Variants in POLA1 observed in about 807,000 individuals in gnomAD.
POLA1 encodes DNA polymerase alpha 1, catalytic subunit.
POLA1 carries 15 observed loss-of-function variants against 124.0 expected under a neutral mutation model. That is an observed-to-expected ratio of 0.12 (90% CI 0.08 to 0.19). POLA1 has a LOEUF of 0.19. POLA1 is among the 10% of genes least tolerant of loss of function. The pLI, the probability that POLA1 is intolerant of heterozygous loss-of-function variation, is 1.00. For synonymous variants in POLA1, 408 were observed against 389.4 expected, an observed-to-expected ratio of 1.05 and a Z score of -0.56; for missense variants, 886 against 1,103.4, an observed-to-expected ratio of 0.80 and a Z score of 2.79.
chrX:24,819,631 GT>G (rs978700833), intron 30 of POLA1, among the ~76,000 whole-genome samples: 2 of 109,307 alleles, frequency 1.8e-5, no homozygotes, highest in Non-Finnish European at 3.8e-5. Context: ...GTTGAGAGCT[GT>G]TTTTTTTTGT....
rs199539240 is a variant in POLA1, at chrX:24,815,121, G to A, written c.3429+10G>A. 55 of 1,194,785 alleles carry A rather than the reference G, an allele frequency of 4.6e-5. No individual in the cohort carries two copies. The highest frequency in any genetic ancestry group is 5.8e-5 in the Non-Finnish European group (51 of 886,242). On this transcript the variant is annotated intron_variant, in intron 30 of 36. Coordinates refer to ENST00000379068, the MANE Select transcript of POLA1 (RefSeq NM_001330360.2). ...GTTTGAAATTAACAAGGTAAATGTAGCATTTATTGCTGAGCCCAGCTGCTG... is the reference window on the plus strand; with the variant it reads ...GTTTGAAATTAACAAGGTAAATGTAACATTTATTGCTGAGCCCAGCTGCTG...
intron 36 of POLA1, among the ~76,000 whole-genome samples, chrX:24,963,673 C>T (rs2048191836): frequency 9.0e-6 from 1 of 111,134 alleles, no homozygotes; most frequent in South Asian, 3.8e-4. Context: ...CCAGTAAATG[C>T]CACTCATTTG....
chrX:24,748,204 A>G (rs1394961606), intron 24 of POLA1, 107 bp from the exon 25 acceptor site: 1 of 539,831 alleles, frequency 1.9e-6, no homozygotes, highest in Non-Finnish European at 3.0e-6. Context: ...GTATAAGATA[A>G]TAGCTTTTCA....
At chrX:24,932,640 C>T (rs929945394) in intron 36 of POLA1, among the ~76,000 whole-genome samples, 28 of 111,039 alleles carry the variant, frequency 2.5e-4, no homozygotes, top group Non-Finnish European at 4.2e-4. Flanking sequence ...ATTGAGTTAT[C>T]GATGGGTTCT....
intron 27 of POLA1, 82 bp downstream of exon 27, chrX:24,810,012 A>G (rs1414112846): frequency 1.7e-6 from 1 of 574,498 alleles, no homozygotes; most frequent in Non-Finnish European, 2.8e-6. Flanking sequence ...TTGTAACCCA[A>G]ACAGACTGGA....
chrX:24,929,632 TAGA>T (rs1267733663), intron 35 of POLA1, among the ~76,000 whole-genome samples: 3 of 112,113 alleles, frequency 2.7e-5, no homozygotes, highest in Non-Finnish European at 5.6e-5. Flanking sequence ...TTAAAATAGA[TAGA>T]AGTGCATTTG....
intron 28 of POLA1, among the ~76,000 whole-genome samples, chrX:24,811,658 T>TC (rs2045903350): frequency 2.0e-5 from 2 of 102,309 alleles, no homozygotes; most frequent in South Asian, 8.7e-4. Context: ...TTTTTTTTTT[T>TC]CTTTAAATGG....
chrX:24,748,242 TA>T, intron 24 of POLA1, 68 bp from the exon 25 acceptor site: 2 of 798,647 alleles, frequency 2.5e-6, no homozygotes, highest in East Asian at 3.3e-5. Context: ...AAAGCTCCTA[TA>T]AAATATTACT....
chrX:24,937,556 C>T (rs1398374937), intron 36 of POLA1, among the ~76,000 whole-genome samples: 1 of 111,828 alleles, frequency 8.9e-6, no homozygotes, highest in East Asian at 2.8e-4. Context: ...GAAAAAATAA[C>T]ATAGAAATGA....
At chrX:24,869,586 G>A (rs1041786910) in intron 34 of POLA1, among the ~76,000 whole-genome samples, 2 of 112,199 alleles carry the variant, frequency 1.8e-5, no homozygotes, top group African/African-American at 6.5e-5. Context: ...AATTAATCTC[G>A]ATATCAGAGA....
intron 11 of POLA1, 49 bp from the exon 12 acceptor site, chrX:24,724,286 A>T: frequency 1.6e-6 from 1 of 628,014 alleles, no homozygotes; most frequent in Non-Finnish European, 2.6e-6. Flanking sequence ...AAGATCATTT[A>T]TGTACAGATA....
At chrX:24,744,081 AC>A (rs747942163) in intron 23 of POLA1, among the ~76,000 whole-genome samples, 54 of 111,697 alleles carry the variant, frequency 4.8e-4, no homozygotes, top group Non-Finnish European at 8.3e-4. Context: ...ATATAAAAAA[AC>A]ATTTCAACCC....
chrX:24,769,088 T>C (rs909031377), intron 26 of POLA1, among the ~76,000 whole-genome samples: 1 of 112,086 alleles, frequency 8.9e-6, no homozygotes, highest in African/African-American at 3.2e-5. Flanking sequence ...TTTTGTATTG[T>C]AGATTTCACC....
intron 30 of POLA1, among the ~76,000 whole-genome samples, chrX:24,817,056 G>C (rs926927858): frequency 1.8e-5 from 2 of 111,640 alleles, no homozygotes; most frequent in Non-Finnish European, 3.8e-5. Context: ...TTAGTGTCTA[G>C]TATGATAGGG....
At chrX:24,944,250 A>T (rs1032865504) in intron 36 of POLA1, among the ~76,000 whole-genome samples, 8 of 111,882 alleles carry the variant, frequency 7.2e-5, no homozygotes, top group Non-Finnish European at 1.3e-4. Flanking sequence ...GGTCATTTAT[A>T]CCAATGAGAT....
At chrX:24,802,380 A>G (rs765352574) in intron 26 of POLA1, among the ~76,000 whole-genome samples, 5 of 111,692 alleles carry the variant, frequency 4.5e-5, no homozygotes, top group Non-Finnish European at 7.5e-5. Flanking sequence ...AGAAAAGCAT[A>G]GCCTGTTTAA....
chrX:24,813,651 T>A (rs2045940260), intron 29 of POLA1, among the ~76,000 whole-genome samples: 1 of 111,014 alleles, frequency 9.0e-6, no homozygotes, highest in Non-Finnish European at 1.9e-5. Flanking sequence ...CCGTCTCTAC[T>A]AAAAATACAA....
At chrX:24,906,357 A>T (rs2147169984) in intron 35 of POLA1, among the ~76,000 whole-genome samples, 1 of 112,287 alleles carries the variant, frequency 8.9e-6, no homozygotes, top group Admixed American at 9.4e-5. Context: ...CTTTGTAGCA[A>T]CTTGGATGGG....
chrX:24,974,088 A>G (rs1278585761), intron 36 of POLA1, among the ~76,000 whole-genome samples: 1 of 110,919 alleles, frequency 9.0e-6, no homozygotes, highest in East Asian at 2.8e-4. Context: ...CAGAGAGGAG[A>G]CCTAGTATTT....
Sources: gnomAD v4.1 joint callset for allele counts (sites outside exome capture counted in the v4.1 genomes callset) on GRCh38, gnomAD v4.1.1 for gene constraint, MANE v1.5 for transcripts, NCBI Gene and HGNC (gene_info 2026-07-23, HGNC 2026-07-21) for gene names.